The following TOX3 variants were observed in gnomAD, a reference collection of about 807,000 sequenced individuals.
TOX3 encodes the protein CAG trinucleotide repeat-containing gene F9 protein.
TOX3 carries 22 observed loss-of-function variants against 64.3 expected under a neutral mutation model. The observed-to-expected ratio is 0.34, with a 90% CI of 0.24 to 0.49. The LOEUF is 0.49. Ranked by LOEUF, TOX3 falls within the 20% of genes least tolerant of loss-of-function variation. The pLI is 0.99. For synonymous variants in TOX3, 291 were observed against 273.6 expected (o/e 1.06, Z -0.63); for missense variants, 661 against 714.4 (o/e 0.93, Z 0.85).
intron 1 of TOX3, among the ~76,000 whole-genome samples, chr16:52,469,083 G>A (rs1031800409): frequency 1.8e-4 from 27 of 152,084 alleles, no homozygotes; most frequent in Non-Finnish European, 3.2e-4. Context: ...TAAATTGTAA[G>A]ACTAAAGAAT....
At chr16:52,499,695 C>T (rs1254548840) in intron 1 of TOX3, among the ~76,000 whole-genome samples, 3 of 152,186 alleles carry the variant, frequency 2.0e-5, no homozygotes, top group African/African-American at 7.2e-5. Context: ...AGACCCACCC[C>T]AGCATACTCT....
At chr16:52,471,689 C>T (rs1294092279) in intron 1 of TOX3, among the ~76,000 whole-genome samples, 1 of 152,178 alleles carries the variant, frequency 6.6e-6, no homozygotes, top group East Asian at 1.9e-4. Context: ...CCCATCCTAA[C>T]TGGAGTCATT....
At chr16:52,509,646 C>T (rs1445756157) in intron 1 of TOX3, among the ~76,000 whole-genome samples, 1 of 152,182 alleles carries the variant, frequency 6.6e-6, no homozygotes, top group African/African-American at 2.4e-5. Context: ...ACTTGCCAAT[C>T]ACACACGCCC....
chr16:52,483,022 C>T (rs2151450348), intron 1 of TOX3, among the ~76,000 whole-genome samples: 1 of 152,220 alleles, frequency 6.6e-6, no homozygotes, highest in South Asian at 2.1e-4. Flanking sequence ...TATAATAGGG[C>T]CCCTGGGATA....
chr16:52,457,623 G>A (rs1028110664), intron 3 of TOX3, among the ~76,000 whole-genome samples: 4 of 152,078 alleles, frequency 2.6e-5, no homozygotes, highest in Non-Finnish European at 5.9e-5. Flanking sequence ...CTGCAAATAG[G>A]AAATGCAGGC....
chr16:52,547,189 G>T (rs1328573670), upstream of TOX3, among the ~76,000 whole-genome samples: 257 of 102,982 alleles, frequency 2.5e-3, 1 homozygote, highest in African/African-American at 9.2e-3. Context: ...TGCCTCAGCC[G>T]CCGGTCCCCT....
chr16:52,471,153 T>C (rs1567323028), intron 1 of TOX3, among the ~76,000 whole-genome samples: 1 of 152,206 alleles, frequency 6.6e-6, no homozygotes, highest in African/African-American at 2.4e-5. Flanking sequence ...GGTATACTTA[T>C]AATAAAAGAA....
chr16:52,511,575 A>C (rs1393849519), intron 1 of TOX3, among the ~76,000 whole-genome samples: 1 of 152,192 alleles, frequency 6.6e-6, no homozygotes, highest in South Asian at 2.1e-4. Context: ...AGATGTCCTA[A>C]AAATAGATGG....
Position 52,437,555 on chromosome 16 carries a change from T to C in TOX3, c.*1670A>G, listed in dbSNP as rs571932776. On this transcript the variant is annotated 3_prime_UTR_variant, in exon 7 of 7. Coordinates refer to ENST00000219746, the MANE Select transcript of TOX3 (RefSeq NM_001080430.4). ...TCATTATAGCTTCTGACAGGACAGA[T>C]GCTGTAATTAATCATGCAAGACAAC... 2 of 152,516 alleles carry C rather than the reference T, an allele frequency of 1.3e-5. No individual in the cohort carries two copies. The highest frequency in any genetic ancestry group is 4.8e-5 in the African/African-American group (2 of 41,558). The allele number at this position is 152,516 out of a possible 1,614,324, so 9.4% of individuals were successfully genotyped here.
intron 1 of TOX3, among the ~76,000 whole-genome samples, chr16:52,512,813 G>A (rs1296099871): frequency 1.3e-5 from 2 of 151,834 alleles, no homozygotes; most frequent in Non-Finnish European, 2.9e-5. Context: ...TGGCTGGCAT[G>A]TTATTAAAAA....
intron 1 of TOX3, among the ~76,000 whole-genome samples, chr16:52,489,593 C>A (rs539311563): frequency 2.4e-4 from 36 of 152,274 alleles, no homozygotes; most frequent in Middle Eastern, 3.4e-3. Flanking sequence ...TTCTTCTTAA[C>A]ACATCCTCTA....
chr16:52,504,997 G>C (rs1236653036), intron 1 of TOX3, among the ~76,000 whole-genome samples: 1 of 152,072 alleles, frequency 6.6e-6, no homozygotes, highest in Non-Finnish European at 1.5e-5. Context: ...ACCACGCCCG[G>C]CTAATTTTTG....
chr16:52,541,326 G>A (rs184197984), intron 1 of TOX3, among the ~76,000 whole-genome samples: 4 of 152,284 alleles, frequency 2.6e-5, no homozygotes, highest in Non-Finnish European at 5.9e-5. Context: ...AGCATCATTT[G>A]TTGCTCCTTT....
intron 3 of TOX3, among the ~76,000 whole-genome samples, chr16:52,456,557 T>G (rs1257082647): frequency 6.6e-6 from 1 of 152,212 alleles, no homozygotes; most frequent in South Asian, 2.1e-4. Context: ...CTCCACCTGA[T>G]GAAAGAGCCT....
At chr16:52,510,572 A>C (rs1488631019) in intron 1 of TOX3, among the ~76,000 whole-genome samples, 1 of 151,996 alleles carries the variant, frequency 6.6e-6, no homozygotes, top group Non-Finnish European at 1.5e-5. Flanking sequence ...CCTGGCCAAC[A>C]TGGTGAAATC....
At chr16:52,516,658 C>T (rs1292580974) in intron 1 of TOX3, among the ~76,000 whole-genome samples, 2 of 152,066 alleles carry the variant, frequency 1.3e-5, no homozygotes, top group South Asian at 2.1e-4. Flanking sequence ...TATGATATAT[C>T]TAAACATTTA....
intron 1 of TOX3, among the ~76,000 whole-genome samples, chr16:52,544,091 C>A (rs911869749): frequency 1.4e-4 from 21 of 152,138 alleles, no homozygotes; most frequent in Non-Finnish European, 2.9e-5. Context: ...TCCATCATTT[C>A]CCATCCAGAA....
intron 1 of TOX3, among the ~76,000 whole-genome samples, chr16:52,482,388 T>C (rs966649219): frequency 6.6e-6 from 1 of 152,170 alleles, no homozygotes; most frequent in African/African-American, 2.4e-5. Context: ...TCTTAAATCA[T>C]ATATTAAATT....
At chr16:52,514,301 G>C (rs1332710812) in intron 1 of TOX3, among the ~76,000 whole-genome samples, 1 of 152,086 alleles carries the variant, frequency 6.6e-6, no homozygotes, top group African/African-American at 2.4e-5. Context: ...CCAAATTATT[G>C]GGGCCTAAAT....
Sources: gnomAD v4.1 joint callset for allele counts (sites outside exome capture counted in the v4.1 genomes callset) on GRCh38, gnomAD v4.1.1 for gene constraint, MANE v1.5 for transcripts, NCBI Gene and HGNC (gene_info 2026-07-23, HGNC 2026-07-21) for gene names.